Variants in DOCK4 observed in about 807,000 individuals in gnomAD.
DOCK4 encodes dedicator of cytokinesis 4.
A neutral mutation model predicts 268.1 loss-of-function variants in DOCK4; 97 were observed. The observed-to-expected ratio is 0.36, with a 90% CI of 0.31 to 0.43. The LOEUF (loss-of-function observed/expected upper bound fraction) is 0.43. Ranked by LOEUF, DOCK4 falls within the 20% of genes least tolerant of loss-of-function variation. The pLI is 1.00. For synonymous variants in DOCK4, 954 were observed against 887.2 expected (o/e 1.08, Z -1.34); for missense variants, 2,145 against 2,455.7 (o/e 0.87, Z 2.67).
At chr7:112,117,594 C>A (rs1266710132) in intron 1 of DOCK4, among the ~76,000 whole-genome samples, 1 of 152,178 alleles carries the variant, frequency 6.6e-6, no homozygotes, top group Non-Finnish European at 1.5e-5. Flanking sequence ...TGGTCTCGAA[C>A]TCCTGACCTC....
chr7:111,790,354 G>T, intron 31 of DOCK4, 103 bp downstream of exon 31: 1 of 1,401,862 alleles, frequency 7.1e-7, no homozygotes, highest in Non-Finnish European at 9.7e-7. Flanking sequence ...TAGGTCTGCT[G>T]ACCCAGTGTT....
At chr7:111,795,972 G>C (rs2133831663) in intron 30 of DOCK4, among the ~76,000 whole-genome samples, 1 of 152,284 alleles carries the variant, frequency 6.6e-6, no homozygotes, top group South Asian at 2.1e-4. Flanking sequence ...TCAGATATCT[G>C]CCTCCACTAG....
chr7:111,770,375 A>G (rs1312076340), intron 36 of DOCK4, among the ~76,000 whole-genome samples: 1 of 152,024 alleles, frequency 6.6e-6, no homozygotes, highest in African/African-American at 2.4e-5. Context: ...GCTGTGTGAT[A>G]TGACTGCCTT....
intron 44 of DOCK4, 111 bp from the exon 45 acceptor site, chr7:111,742,243 T>A: frequency 8.7e-7 from 1 of 1,153,572 alleles, no homozygotes; most frequent in Non-Finnish European, 1.1e-6. Context: ...TTGCTAATCC[T>A]CTGCCTCTGA....
At chr7:111,822,293 A>C in intron 27 of DOCK4, 69 bp downstream of exon 27, 1 of 1,337,864 alleles carries the variant, frequency 7.5e-7, no homozygotes, top group South Asian at 1.4e-5. Flanking sequence ...TCAAATGAAA[A>C]AGATAATTTT....
At chr7:111,922,718 A>ACTACAGG in intron 12 of DOCK4, among the ~76,000 whole-genome samples, 1 of 152,228 alleles carries the variant, frequency 6.6e-6, no homozygotes, top group Admixed American at 6.5e-5. Flanking sequence ...AGCAGTTGGG[A>ACTACAGG]CTACAGGCGT....
chr7:112,022,831 C>T (rs1041297273), intron 1 of DOCK4, among the ~76,000 whole-genome samples: 1 of 152,194 alleles, frequency 6.6e-6, no homozygotes, highest in Non-Finnish European at 1.5e-5. Context: ...CTCTGGTTCC[C>T]GGGCTGCAAT....
At chr7:112,107,954 C>T in intron 1 of DOCK4, among the ~76,000 whole-genome samples, 1 of 152,100 alleles carries the variant, frequency 6.6e-6, no homozygotes, top group South Asian at 2.1e-4. Context: ...GCAGGAGTGC[C>T]CATAAAAGAG....
intron 42 of DOCK4, among the ~76,000 whole-genome samples, chr7:111,749,736 C>A (rs1265785318): frequency 2.6e-5 from 4 of 152,286 alleles, no homozygotes; most frequent in South Asian, 2.1e-4. Flanking sequence ...AACATATCTT[C>A]ACTTAGCATT....
chr7:111,906,806 G>A (rs567956106), intron 13 of DOCK4, among the ~76,000 whole-genome samples: 1 of 152,300 alleles, frequency 6.6e-6, no homozygotes, highest in African/African-American at 2.4e-5. Flanking sequence ...AGGAGTGCAG[G>A]CAGCTTCCAC....
intron 1 of DOCK4, among the ~76,000 whole-genome samples, chr7:112,180,684 C>A (rs1446452670): frequency 6.6e-6 from 1 of 152,172 alleles, no homozygotes; most frequent in Non-Finnish European, 1.5e-5. Context: ...GGCACTGTCC[C>A]GATGATGGCA....
At chr7:111,884,654 T>C (rs1219877562) in intron 16 of DOCK4, among the ~76,000 whole-genome samples, 1 of 152,080 alleles carries the variant, frequency 6.6e-6, no homozygotes. Flanking sequence ...AATCTTATAA[T>C]GAAATGGCTA....
intron 16 of DOCK4, among the ~76,000 whole-genome samples, chr7:111,887,575 T>C (rs539044370): frequency 3.9e-5 from 6 of 152,170 alleles, no homozygotes; most frequent in South Asian, 2.1e-4. Flanking sequence ...CAGTCAAGTA[T>C]GGAAAGGTTT....
chr7:112,199,805 G>A (rs1385977252), intron 1 of DOCK4, among the ~76,000 whole-genome samples: 1 of 152,186 alleles, frequency 6.6e-6, no homozygotes, highest in African/African-American at 2.4e-5. Flanking sequence ...CAAAGGACAT[G>A]ATACAGAAGA....
At chr7:111,919,152 CA>C (rs1373900115) in intron 12 of DOCK4, among the ~76,000 whole-genome samples, 1 of 151,044 alleles carries the variant, frequency 6.6e-6, no homozygotes, top group African/African-American at 2.4e-5. Context: ...AGCAAACAAA[CA>C]AAAAAACATA....
At chr7:112,205,115 G>T (rs1039407976) in intron 1 of DOCK4, among the ~76,000 whole-genome samples, 2 of 152,056 alleles carry the variant, frequency 1.3e-5, no homozygotes, top group African/African-American at 4.8e-5. Flanking sequence ...AACAAAAACG[G>T]GAACTGTAAC....
At chr7:111,899,978 G>A (rs1791005054) in intron 15 of DOCK4, among the ~76,000 whole-genome samples, 1 of 152,306 alleles carries the variant, frequency 6.6e-6, no homozygotes, top group Non-Finnish European at 1.5e-5. Context: ...TTACTTCTAA[G>A]TCTTTTTCCA....
At position 111,919,770 on chromosome 7, in the gene DOCK4, C is replaced by T. The variant is rs1226270365; in HGVS notation, c.1067-3866G>A. On this transcript the variant is annotated intron_variant, in intron 12 of 52. Coordinates refer to ENST00000428084, the MANE Select transcript of DOCK4 (RefSeq NM_001363540.2). ...TTGCCCAAATCATCAAATCTTTCCA[C>T]AAAGAAACCACAACATATGACTAAG... Among the ~76,000 whole-genome samples, 7 of 152,228 alleles carry T rather than the reference C, an allele frequency of 4.6e-5. No homozygotes were observed. The East Asian group carries it at 1.4e-3, about 29-fold the overall frequency.
At chr7:111,742,201 C>T (rs548916917) in intron 44 of DOCK4, 69 bp from the exon 45 acceptor site, 54 of 1,463,626 alleles carry the variant, frequency 3.7e-5, no homozygotes, top group Admixed American at 7.5e-5. Flanking sequence ...TGCTATGGGC[C>T]GAGCACTTTA....
Sources: gnomAD v4.1 joint callset for allele counts (sites outside exome capture counted in the v4.1 genomes callset) on GRCh38, gnomAD v4.1.1 for gene constraint, MANE v1.5 for transcripts, NCBI Gene and HGNC (gene_info 2026-07-23, HGNC 2026-07-21) for gene names.